FRMPD4: variants seen among roughly 807,000 people sequenced by gnomAD.
FRMPD4 encodes the protein FERM and PDZ domain-containing protein 4.
FRMPD4 carries 22 observed loss-of-function variants against 94.1 expected under a neutral mutation model. The observed-to-expected ratio is 0.23, with a 90% CI of 0.17 to 0.33. The LOEUF (loss-of-function observed/expected upper bound fraction) is 0.33. Among genes scored for constraint, FRMPD4 ranks in the 10% least tolerant of loss-of-function variants. The pLI is 1.00. For synonymous variants in FRMPD4, 631 were observed against 548.6 expected (o/e 1.15, Z -2.10); for missense variants, 1,111 against 1,339.9 (o/e 0.83, Z 2.67).
chrX:12,108,887 T>C (rs2055327474), intron 3 of FRMPD4, among the ~76,000 whole-genome samples: 1 of 111,843 alleles, frequency 8.9e-6, no homozygotes, highest in African/African-American at 3.3e-5. Flanking sequence ...CCTAAACATA[T>C]ATGCACCCAA....
At chrX:12,601,694 T>C (rs1351695858) in intron 2 of FRMPD4, among the ~76,000 whole-genome samples, 1 of 112,356 alleles carries the variant, frequency 8.9e-6, no homozygotes, top group East Asian at 2.8e-4. Flanking sequence ...TCTGGGAATC[T>C]TACACAGAGA....
At chrX:12,041,233 T>C (rs944022428) in intron 3 of FRMPD4, among the ~76,000 whole-genome samples, 1 of 112,246 alleles carries the variant, frequency 8.9e-6, no homozygotes, top group Admixed American at 9.4e-5. Context: ...TCTTTGAGTC[T>C]TTTATATATA....
At chrX:12,064,815 A>C (rs2054908775) in intron 3 of FRMPD4, among the ~76,000 whole-genome samples, 1 of 112,187 alleles carries the variant, frequency 8.9e-6, no homozygotes, top group South Asian at 3.7e-4. Context: ...GCTCCAAAAC[A>C]ATTGAAAATG....
rs143468506 is a variant in FRMPD4 at position 12,646,939 on chromosome X, T to G, written c.423-27924T>G. Among the ~76,000 whole-genome samples the G allele has an allele frequency of 6.9e-3, 773 of 111,804 alleles. 3 individuals are homozygous for G. Among genetic ancestry groups the G allele is most frequent in the African/African-American group, 0.024 (737 of 30,772 alleles). ...ATTCTGATACATCTAAATTGGGAGG[T>G]AGTGGCTATGACCACTAACCCCTAG... On this transcript the variant is annotated intron_variant, in intron 4 of 16. Coordinates refer to ENST00000675598, the MANE Select transcript of FRMPD4 (RefSeq NM_001368397.1).
At chrX:12,366,685 G>T (rs996007822) in intron 1 of FRMPD4, among the ~76,000 whole-genome samples, 1 of 112,397 alleles carries the variant, frequency 8.9e-6, no homozygotes, top group Non-Finnish European at 1.9e-5. Flanking sequence ...GAGTGATCCA[G>T]TCCTTGCTCT....
intron 3 of FRMPD4, among the ~76,000 whole-genome samples, chrX:11,904,617 C>A (rs150090484): frequency 7.3e-4 from 82 of 112,038 alleles, no homozygotes; most frequent in African/African-American, 2.5e-3. Context: ...AGGAAGCAAG[C>A]CAGAATTGAC....
intron 2 of FRMPD4, among the ~76,000 whole-genome samples, chrX:12,593,533 CTCTGTTT>C (rs2059002057): frequency 9.0e-6 from 1 of 111,502 alleles, no homozygotes; most frequent in African/African-American, 3.3e-5. Flanking sequence ...CATTATTGTT[CTCTGTTT>C]TCTGTTTTAG....
chrX:12,425,506 C>T (rs1006204370), intron 1 of FRMPD4, among the ~76,000 whole-genome samples: 2 of 111,930 alleles, frequency 1.8e-5, no homozygotes, highest in Non-Finnish European at 3.8e-5. Flanking sequence ...ACATTGGAAT[C>T]TAAGAGAATT....
At chrX:11,880,878 A>G (rs1203153369) in intron 3 of FRMPD4, among the ~76,000 whole-genome samples, 1 of 111,922 alleles carries the variant, frequency 8.9e-6, no homozygotes, top group East Asian at 2.8e-4. Context: ...CCTGACTTCA[A>G]GTGATCCACC....
chrX:12,005,045 T>A (rs773871135), intron 3 of FRMPD4, among the ~76,000 whole-genome samples: 1 of 112,629 alleles, frequency 8.9e-6, no homozygotes, highest in East Asian at 2.8e-4. Context: ...CTTTAGGGAA[T>A]GTTTTAAATG....
chrX:12,339,124 C>G (rs1220417808), intron 1 of FRMPD4, among the ~76,000 whole-genome samples: 1 of 111,738 alleles, frequency 8.9e-6, no homozygotes, highest in East Asian at 2.8e-4. Flanking sequence ...GGGAGCAGAA[C>G]ATTTTAGTTT....
chrX:12,298,992 A>G (rs5979569), intron 1 of FRMPD4, among the ~76,000 whole-genome samples: 18,313 of 111,013 alleles, frequency 0.16, 1,526 homozygotes, highest in African/African-American at 0.31. Flanking sequence ...ACCATGAGAA[A>G]ACTCTCAAAA....
At chrX:12,660,436 T>C (rs950628844) in intron 4 of FRMPD4, among the ~76,000 whole-genome samples, 1 of 111,734 alleles carries the variant, frequency 8.9e-6, no homozygotes, top group Non-Finnish European at 1.9e-5. Flanking sequence ...CAAATCCCAC[T>C]CTGAGCAGTA....
At position 12,477,475 on chromosome X, in the gene FRMPD4, G is replaced by A. The variant is rs1444190247; in HGVS notation, c.42-21205G>A. On this transcript the variant is annotated intron_variant, in intron 1 of 16. Coordinates refer to ENST00000675598, the MANE Select transcript of FRMPD4 (RefSeq NM_001368397.1). ...ATAATAATAGTAATAAAAAAAGAAA[G>A]TACAGCTTTAGTCATCAACTATGTG... Among the ~76,000 whole-genome samples the A allele has an allele frequency of 2.7e-5, 3 of 112,275 alleles. No homozygotes were observed. In the East Asian group the frequency reaches 8.4e-4, roughly 31 times the overall value.
At chrX:11,823,322 C>T (rs2053422986) in intron 1 of FRMPD4, among the ~76,000 whole-genome samples, 1 of 108,531 alleles carries the variant, frequency 9.2e-6, no homozygotes, top group African/African-American at 3.4e-5. Context: ...ATTATTATTA[C>T]CATTTATTGC....
chrX:12,581,994 T>C (rs911601286), intron 2 of FRMPD4, among the ~76,000 whole-genome samples: 2 of 112,369 alleles, frequency 1.8e-5, no homozygotes, highest in Non-Finnish European at 3.7e-5. Flanking sequence ...CATATTTTAC[T>C]ATGTCTCACT....
chrX:12,631,419 A>C (rs1246093714), intron 4 of FRMPD4, among the ~76,000 whole-genome samples: 1 of 111,900 alleles, frequency 8.9e-6, no homozygotes, highest in African/African-American at 3.3e-5. Flanking sequence ...TTATACTTTA[A>C]GTTCTGGGGT....
intron 1 of FRMPD4, among the ~76,000 whole-genome samples, chrX:12,489,223 CTT>C (rs2057768587): frequency 9.0e-6 from 1 of 111,717 alleles, no homozygotes; most frequent in Non-Finnish European, 1.9e-5. Context: ...AATAGATATA[CTT>C]TTAGGATTCT....
chrX:12,393,383 C>G (rs1263539935), intron 1 of FRMPD4, among the ~76,000 whole-genome samples: 1 of 111,438 alleles, frequency 9.0e-6, no homozygotes, highest in Non-Finnish European at 1.9e-5. Context: ...TTCTATTTTC[C>G]TAATAGAATT....
Sources: allele counts gnomAD v4.1 joint callset (sites outside exome capture counted in the v4.1 genomes callset), GRCh38; gene constraint gnomAD v4.1.1; transcripts MANE v1.5; gene names NCBI Gene and HGNC (gene_info 2026-07-23, HGNC 2026-07-21).